The following CCL17 variants were observed in gnomAD, a reference collection of about 807,000 sequenced individuals.
CCL17 encodes the protein C-C motif chemokine ligand 17.
A neutral mutation model predicts 7.4 loss-of-function variants in CCL17; 8 were observed. The observed-to-expected ratio is 1.09, with a 90% CI of 0.64 to 1.96. CCL17 has a LOEUF of 1.96. Ranked by LOEUF, CCL17 falls within the 30% of genes most tolerant of loss-of-function variation. CCL17 has a pLI of 0.00. For synonymous variants in CCL17, 40 were observed against 46.1 expected, an observed-to-expected ratio of 0.87 and a Z score of 0.54; for missense variants, 102 against 113.0, an observed-to-expected ratio of 0.90 and a Z score of 0.44.
chr16:57,407,901 A>C (rs1412708722), intron 1 of CCL17, among the ~76,000 whole-genome samples: 1 of 150,666 alleles, frequency 6.6e-6, no homozygotes, highest in African/African-American at 2.5e-5. Context: ...CCATCCGTTC[A>C]TCCATTCATC....
chr16:57,396,483 A>C, the CCL17 span, among the ~76,000 whole-genome samples: 1 of 152,060 alleles, frequency 6.6e-6, no homozygotes, highest in Non-Finnish European at 1.5e-5. Context: ...CCTGTGTTCT[A>C]TTTTACCATT....
chr16:57,404,225 A>G (rs1156886454), upstream of CCL17, among the ~76,000 whole-genome samples: 28 of 152,278 alleles, frequency 1.8e-4, no homozygotes, highest in Non-Finnish European at 2.9e-5. Flanking sequence ...GTGGAGAGCC[A>G]CGGGGACGTT....
intron 1 of CCL17, among the ~76,000 whole-genome samples, chr16:57,413,136 C>A (rs1902811645): frequency 1.3e-5 from 2 of 152,164 alleles, no homozygotes; most frequent in Admixed American, 6.5e-5. Context: ...TCGTTTTGTT[C>A]TGTATCTTAG....
chr16:57,400,093 C>T (rs1902570519), upstream of CCL17, among the ~76,000 whole-genome samples: 1 of 152,230 alleles, frequency 6.6e-6, no homozygotes, highest in Non-Finnish European at 1.5e-5. Context: ...GACGCGGTGG[C>T]TCACGCCTGT....
chr16:57,398,306 T>C, the CCL17 span, among the ~76,000 whole-genome samples: 1 of 152,176 alleles, frequency 6.6e-6, no homozygotes, highest in Admixed American at 6.5e-5. Context: ...CTTACTTAGG[T>C]ATGCCACTGG....
upstream of CCL17, among the ~76,000 whole-genome samples, chr16:57,402,414 C>A (rs1309011263): frequency 6.6e-6 from 1 of 152,196 alleles, no homozygotes; most frequent in East Asian, 1.9e-4. Context: ...GACCCTGGTG[C>A]TGAACAGATC....
intron 1 of CCL17, among the ~76,000 whole-genome samples, chr16:57,411,066 C>CT (rs1902776974): frequency 6.6e-6 from 1 of 152,226 alleles, no homozygotes; most frequent in Non-Finnish European, 1.5e-5. Context: ...GTGCAATGTC[C>CT]TTTCTTCCAA....
chr16:57,415,031 C>CACACACGCAG lies in CCL17; in HGVS notation c.71-45_71-36dup, dbSNP rs1339538018. ...GAACACCCCCCAGAGGTCCCCGCAA[C>CACACACGCAG]ACACACGCAGACACTCACAGACACC... is the stretch of plus-strand genomic sequence containing the variant. On this transcript the variant is annotated intron_variant, in intron 2 of 3. Transcript: ENST00000219244. The surrounding 1 kb of genome is among the most constrained non-coding windows in gnomAD (Gnocchi z 4.5). The CACACACGCAG allele has an allele frequency of 8.0e-7, 1 of 1,248,840 alleles. No individual in the cohort carries two copies. Among genetic ancestry groups the CACACACGCAG allele is most frequent in the Non-Finnish European group, 1.2e-6 (1 of 847,774 alleles). 77.4% of individuals were successfully genotyped at this position (1,248,840 alleles called of 1,614,324 possible).
At chr16:57,406,246 G>A (rs1042482319) in intron 1 of CCL17, among the ~76,000 whole-genome samples, 2 of 152,098 alleles carry the variant, frequency 1.3e-5, no homozygotes, top group Non-Finnish European at 2.9e-5. Flanking sequence ...AGGCTGGAGC[G>A]CAGTGCCACA....
intron 2 of CCL17, 144 bp downstream of exon 2, chr16:57,414,146 AG>A: frequency 3.5e-6 from 2 of 570,818 alleles, no homozygotes; most frequent in Non-Finnish European, 6.1e-6. Context: ...CCACAGCACT[AG>A]GATTTTGAGG....
intron 1 of CCL17, among the ~76,000 whole-genome samples, chr16:57,412,844 G>A (rs528735863): frequency 6.6e-6 from 1 of 152,306 alleles, no homozygotes; most frequent in East Asian, 1.9e-4. Flanking sequence ...GGTGGCCAGG[G>A]GACTGACCCG....
intron 1 of CCL17, among the ~76,000 whole-genome samples, chr16:57,405,576 C>G (rs1357307679): frequency 6.6e-6 from 1 of 152,132 alleles, no homozygotes; most frequent in African/African-American, 2.4e-5. Context: ...CTTCTGCTTC[C>G]CAGCAGCTCA....
At chr16:57,400,894 G>A (rs1214236563), upstream of CCL17, among the ~76,000 whole-genome samples, 2 of 151,906 alleles carry the variant, frequency 1.3e-5, no homozygotes, top group African/African-American at 4.8e-5. Flanking sequence ...ACTTGATCCT[G>A]GAGACAGAAG....
At chr16:57,412,756 T>C (rs1448776038) in intron 1 of CCL17, among the ~76,000 whole-genome samples, 2 of 152,086 alleles carry the variant, frequency 1.3e-5, no homozygotes, top group East Asian at 3.9e-4. Context: ...CTGAAGGCCA[T>C]GGGACTCTCA....
intron 1 of CCL17, among the ~76,000 whole-genome samples, chr16:57,406,512 T>C (rs1049831786): frequency 6.6e-6 from 1 of 152,138 alleles, no homozygotes; most frequent in Admixed American, 6.6e-5. Context: ...AGTAAACTAA[T>C]AGACTTAACT....
intron 1 of CCL17, among the ~76,000 whole-genome samples, chr16:57,413,317 G>T (rs1193638948): frequency 6.6e-6 from 1 of 152,164 alleles, no homozygotes; most frequent in East Asian, 1.9e-4. Context: ...ATAAAGCATG[G>T]ATCTCCCTGC....
the CCL17 span, among the ~76,000 whole-genome samples, chr16:57,396,555 G>A: frequency 1.3e-5 from 2 of 152,178 alleles, no homozygotes; most frequent in Admixed American, 6.5e-5. Context: ...AATAGGGGAT[G>A]AGAAGGCATT....
At chr16:57,404,227 G>A (rs960880248), upstream of CCL17, among the ~76,000 whole-genome samples, 2 of 152,278 alleles carry the variant, frequency 1.3e-5, no homozygotes, top group South Asian at 2.1e-4. Flanking sequence ...GGAGAGCCAC[G>A]GGGACGTTCT....
chr16:57,402,877 T>G (rs1384204261), upstream of CCL17, among the ~76,000 whole-genome samples: 2 of 151,168 alleles, frequency 1.3e-5, no homozygotes, highest in African/African-American at 4.9e-5. Context: ...TATATTCCAT[T>G]AAAGAAAAGA....
Sources: allele counts gnomAD v4.1 joint callset (sites outside exome capture counted in the v4.1 genomes callset), GRCh38; gene constraint gnomAD v4.1.1; non-coding constraint Gnocchi (gnomAD v3.1); transcripts MANE v1.5; gene names NCBI Gene and HGNC (gene_info 2026-07-23, HGNC 2026-07-21).